Variants in GABRG3 observed in about 807,000 individuals in gnomAD.
GABRG3 encodes the protein gamma-aminobutyric acid type A receptor subunit gamma3, also known as gamma-aminobutyric acid receptor subunit gamma-3.
A neutral mutation model predicts 48.8 loss-of-function variants in GABRG3; 25 were observed. The observed-to-expected ratio is 0.51, with a 90% CI of 0.37 to 0.72. The LOEUF (loss-of-function observed/expected upper bound fraction) is 0.72, where lower values mean the gene tolerates loss of function less well. Ranked by LOEUF, GABRG3 falls within the 30% of genes least tolerant of loss-of-function variation. The probability of loss-of-function intolerance (pLI) is 0.00; values close to 1 mark genes in which losing one functional copy is unlikely to be tolerated. For missense variants in GABRG3, 394 were observed against 577.9 expected (o/e 0.68, Z 3.26); for synonymous variants, 227 against 217.6 (o/e 1.04, Z -0.38).
chr15:27,075,562 A>T (rs1029579870), intron 3 of GABRG3, among the ~76,000 whole-genome samples: 2 of 152,160 alleles, frequency 1.3e-5, no homozygotes, highest in Non-Finnish European at 2.9e-5. Flanking sequence ...TATTGTTTAT[A>T]TAAGAAATTC....
rs1368005818 is a variant in GABRG3, at chr15:27,480,726, G to T, written c.651G>T (p.Arg217=). The T allele has an allele frequency of 1.2e-6, 2 of 1,613,564 alleles. No homozygotes were observed. The highest frequency in any genetic ancestry group is 1.1e-5 in the South Asian group (1 of 90,944). The change falls in exon 6 of 10, where the codon CGG becomes CGT. Residue 217 remains arginine (R), a synonymous_variant. Transcript: ENST00000615808. ...SVEAADQKSW[R]LYQFDFMGLR... is the part of the protein sequence containing the mutation. ...AGGCAGCTGACCAGAAATCATGGCG[G>T]CTTTATCAGTTTGACTTCATGGGCC...
At chr15:27,195,723 C>T (rs912383792) in intron 3 of GABRG3, among the ~76,000 whole-genome samples, 5 of 152,062 alleles carry the variant, frequency 3.3e-5, no homozygotes, top group African/African-American at 1.2e-4. Context: ...CAACCTCTGC[C>T]TCCCAGGTTC....
intron 3 of GABRG3, among the ~76,000 whole-genome samples, chr15:27,279,044 A>G (rs1891348002): frequency 6.6e-6 from 1 of 152,180 alleles, no homozygotes; most frequent in Non-Finnish European, 1.5e-5. Flanking sequence ...AACTAAGGTT[A>G]ATGAAGTTGT....
chr15:27,517,120 G>GTGC (rs1388820008), intron 6 of GABRG3, among the ~76,000 whole-genome samples: 22 of 86,278 alleles, frequency 2.5e-4, no homozygotes, highest in African/African-American at 1.3e-3. Flanking sequence ...ACTTTGACTA[G>GTGC]TGCCGCCTCT....
chr15:27,237,771 C>T (rs963162855), intron 3 of GABRG3, among the ~76,000 whole-genome samples: 4 of 152,238 alleles, frequency 2.6e-5, no homozygotes, highest in South Asian at 2.1e-4. Context: ...GGAGGCACCT[C>T]TTCCCACCCA....
chr15:27,047,727 T>C (rs910183061), intron 3 of GABRG3, among the ~76,000 whole-genome samples: 27 of 152,234 alleles, frequency 1.8e-4, no homozygotes, highest in African/African-American at 5.8e-4. Flanking sequence ...CTGAAAATGA[T>C]ATTGTCTTTG....
intron 3 of GABRG3, among the ~76,000 whole-genome samples, chr15:27,245,979 G>A (rs1272842697): frequency 6.6e-6 from 1 of 152,198 alleles, no homozygotes. Flanking sequence ...CTTGGTAGAG[G>A]TGAAGGGGGA....
intron 2 of GABRG3, among the ~76,000 whole-genome samples, chr15:26,989,075 C>T (rs1238591079): frequency 2.0e-5 from 3 of 152,162 alleles, no homozygotes; most frequent in Non-Finnish European, 4.4e-5. Flanking sequence ...TCCACATTAT[C>T]CTTGCCACTC....
At chr15:27,058,826 A>G (rs1323342492) in intron 3 of GABRG3, among the ~76,000 whole-genome samples, 1 of 152,182 alleles carries the variant, frequency 6.6e-6, no homozygotes, top group Non-Finnish European at 1.5e-5. Context: ...GCCATATCGT[A>G]TAAAGTAAAA....
intron 3 of GABRG3, among the ~76,000 whole-genome samples, chr15:27,244,403 C>T (rs910622384): frequency 6.6e-6 from 1 of 152,140 alleles, no homozygotes; most frequent in Admixed American, 6.6e-5. Context: ...GCATCTCCCC[C>T]AGGAGGTGCT....
rs1894835682 is a variant in GABRG3, at chr15:26,971,321, G to C, written c.-215G>C. ...CGGACCGGCGCTAGTGCGCGGGTGG[G>C]GGCGGCGCGCCGCGGTGGCCCGGCG... On this transcript the variant is annotated 5_prime_UTR_variant, in exon 1 of 10. Coordinates refer to ENST00000615808, the MANE Select transcript of GABRG3 (RefSeq NM_033223.5). 1 of 277,228 alleles carries C rather than the reference G, an allele frequency of 3.6e-6. No homozygotes were observed. The highest frequency in any genetic ancestry group is 6.7e-6 in the Non-Finnish European group (1 of 149,920). The allele number at this position is 277,228 out of a possible 1,614,324, so 17.2% of individuals were successfully genotyped here.
intron 3 of GABRG3, chr15:27,158,306 G>GT (rs1479753524): frequency 6.6e-6 from 1 of 152,200 alleles, no homozygotes; most frequent in Admixed American, 6.5e-5. Flanking sequence ...TTGTGCAACA[G>GT]TGGACGGACA....
intron 3 of GABRG3, among the ~76,000 whole-genome samples, chr15:27,219,459 C>T (rs1359541223): frequency 6.6e-6 from 1 of 152,210 alleles, no homozygotes; most frequent in Non-Finnish European, 1.5e-5. Context: ...GTGGGTCTGC[C>T]TCTTTCCACC....
At chr15:27,059,465 T>C (rs1896608661) in intron 3 of GABRG3, among the ~76,000 whole-genome samples, 1 of 152,258 alleles carries the variant, frequency 6.6e-6, no homozygotes, top group South Asian at 2.1e-4. Context: ...TGGCTATAAT[T>C]TCAAAGTTTC....
At chr15:27,178,645 A>G (rs1462458990) in intron 3 of GABRG3, among the ~76,000 whole-genome samples, 2 of 152,208 alleles carry the variant, frequency 1.3e-5, no homozygotes, top group African/African-American at 4.8e-5. Context: ...GTCTGTTTTT[A>G]TAATTAGTTT....
At chr15:27,249,243 C>T (rs1360211529) in intron 3 of GABRG3, among the ~76,000 whole-genome samples, 1 of 152,102 alleles carries the variant, frequency 6.6e-6, no homozygotes, top group Non-Finnish European at 1.5e-5. Context: ...TCCGCGTGGC[C>T]AGGAACAGGC....
At chr15:27,407,171 C>A (rs554711823) in intron 5 of GABRG3, among the ~76,000 whole-genome samples, 12 of 152,224 alleles carry the variant, frequency 7.9e-5, no homozygotes, top group South Asian at 2.1e-4. Flanking sequence ...AGTGATCCAC[C>A]CAACTTGGCC....
At chr15:26,998,357 A>C (rs914733541) in intron 2 of GABRG3, among the ~76,000 whole-genome samples, 3 of 152,136 alleles carry the variant, frequency 2.0e-5, no homozygotes, top group Non-Finnish European at 2.9e-5. Context: ...TCCTTATGGC[A>C]TTCTTCTTCT....
At chr15:27,264,850 C>T (rs1488653142) in intron 3 of GABRG3, among the ~76,000 whole-genome samples, 1 of 151,998 alleles carries the variant, frequency 6.6e-6, no homozygotes, top group African/African-American at 2.4e-5. Context: ...TACTAATTCA[C>T]TATTAATATA....
Sources: allele counts gnomAD v4.1 joint callset (sites outside exome capture counted in the v4.1 genomes callset), GRCh38; gene constraint gnomAD v4.1.1; transcripts MANE v1.5; gene names NCBI Gene and HGNC (gene_info 2026-07-23, HGNC 2026-07-21).